MOK: variants seen among roughly 807,000 people sequenced by gnomAD.
The protein encoded by MOK is MOK protein kinase.
A neutral mutation model predicts 54.2 loss-of-function variants in MOK; 59 were observed. The observed-to-expected ratio is 1.09, with a 90% confidence interval of 0.88 to 1.35. MOK has a LOEUF of 1.35. Ranked by LOEUF, MOK falls within the 40% of genes most tolerant of loss-of-function variation. The probability of loss-of-function intolerance (pLI) is 0.00; values close to 1 mark genes in which losing one functional copy is unlikely to be tolerated. For missense variants in MOK, 517 were observed against 526.2 expected (o/e 0.98, Z 0.17); for synonymous variants, 210 against 202.7 (o/e 1.04, Z -0.31).
At chr14:102,220,614 G>A (rs1306816162), downstream of MOK, among the ~76,000 whole-genome samples, 1 of 151,704 alleles carries the variant, frequency 6.6e-6, no homozygotes, top group Admixed American at 6.6e-5. The surrounding 1 kb of genome is among the most constrained non-coding windows in gnomAD (Gnocchi z 4.2). Context: ...AAGGTACTTG[G>A]GAGGCTGAGG....
chr14:102,287,104 C>G (rs922375828), intron 1 of MOK, among the ~76,000 whole-genome samples: 1 of 152,122 alleles, frequency 6.6e-6, no homozygotes, highest in Non-Finnish European at 1.5e-5. Flanking sequence ...AAACTAAATA[C>G]TCCTCCCCCA....
intron 4 of MOK, among the ~76,000 whole-genome samples, chr14:102,257,208 T>C (rs2067034114): frequency 6.6e-6 from 1 of 151,898 alleles, no homozygotes; most frequent in South Asian, 2.1e-4. Context: ...TTGGGAAAGA[T>C]GCTTCTGGCC....
the MOK span, among the ~76,000 whole-genome samples, chr14:102,219,096 G>T: frequency 1.3e-5 from 2 of 152,244 alleles, no homozygotes; most frequent in East Asian, 3.8e-4. Flanking sequence ...CCCCCACGCT[G>T]TGCTCTCGAG....
chr14:102,225,092 T>TA (rs2064190653), downstream of MOK: 1 of 288,618 alleles, frequency 3.5e-6, no homozygotes, highest in Admixed American at 4.9e-5. Flanking sequence ...GACAGAGTCT[T>TA]ACCTGTCATC....
chr14:102,243,008 T>C (rs762097914), intron 7 of MOK, among the ~76,000 whole-genome samples: 29 of 152,156 alleles, frequency 1.9e-4, no homozygotes, highest in African/African-American at 5.3e-4. Flanking sequence ...ACAGCCCCCA[T>C]TACTTCAGTC....
chr14:102,289,118 T>C (rs762339431), intron 1 of MOK, among the ~76,000 whole-genome samples: 31 of 152,280 alleles, frequency 2.0e-4, no homozygotes, highest in Middle Eastern at 6.8e-3. Context: ...TTGCCCAGGC[T>C]GGTCTCAAAC....
chr14:102,294,230 A>C (rs1256066846), intron 1 of MOK, among the ~76,000 whole-genome samples: 1 of 151,632 alleles, frequency 6.6e-6, no homozygotes, highest in African/African-American at 2.4e-5. Flanking sequence ...GCGGATCACG[A>C]GGTCAGGAGA....
intron 7 of MOK, among the ~76,000 whole-genome samples, chr14:102,248,018 T>C (rs528830375): frequency 3.9e-5 from 6 of 152,216 alleles, no homozygotes; most frequent in Non-Finnish European, 8.8e-5. Context: ...GATATGATGC[T>C]GCTCCAAGAA....
chr14:102,244,719 C>CGT lies in MOK; in HGVS notation c.590+6091_590+6092dup, dbSNP rs1020668926. On this transcript the variant is annotated intron_variant, in intron 7 of 11. Coordinates refer to ENST00000361847, the MANE Select transcript of MOK (RefSeq NM_014226.3). ...TCCCACAAGGTCAAAAAAAGGCCAC[C>CGT]GTGGTCATTTCTTCCCTTCTGTCAG... is the stretch of plus-strand genomic sequence containing the variant. Among the ~76,000 whole-genome samples, 18 of 152,278 alleles carry CGT rather than the reference C, an allele frequency of 1.2e-4. No individual in the cohort carries two copies. The South Asian group carries it at 3.1e-3, about 26-fold the overall frequency.
At chr14:102,296,728 T>C (rs1355298197) in intron 1 of MOK, among the ~76,000 whole-genome samples, 1 of 152,098 alleles carries the variant, frequency 6.6e-6, no homozygotes, top group Non-Finnish European at 1.5e-5. Flanking sequence ...GAGACCAGTC[T>C]AGGCAACATG....
At chr14:102,295,039 G>A (rs561883603) in intron 1 of MOK, among the ~76,000 whole-genome samples, 1 of 152,310 alleles carries the variant, frequency 6.6e-6, no homozygotes, top group African/African-American at 2.4e-5. Context: ...AAAAGTTCCT[G>A]TTCTCTCCAA....
chr14:102,261,904 C>T (rs1359026961), intron 4 of MOK, among the ~76,000 whole-genome samples: 1 of 147,586 alleles, frequency 6.8e-6, no homozygotes, highest in Non-Finnish European at 1.5e-5. Flanking sequence ...AGTGCAGTGG[C>T]ATGATCTTGG....
At chr14:102,219,641 G>A (rs1042626143), downstream of MOK, among the ~76,000 whole-genome samples, 3 of 152,270 alleles carry the variant, frequency 2.0e-5, no homozygotes, top group African/African-American at 7.2e-5. Flanking sequence ...CCCTGGTCAA[G>A]CACCCTGGGG....
chr14:102,286,750 T>C (rs1278243358), intron 1 of MOK, among the ~76,000 whole-genome samples: 3 of 151,944 alleles, frequency 2.0e-5, no homozygotes, highest in Admixed American at 1.3e-4. Context: ...TAACGGAATA[T>C]ACTGTAAATA....
In MOK at chr14:102,232,917, C is replaced by T. The variant is rs780289064; in HGVS notation, c.693-209G>A. On this transcript the variant is annotated intron_variant, in intron 8 of 11. Coordinates refer to ENST00000361847, the MANE Select transcript of MOK (RefSeq NM_014226.3). This position sits in a 1 kb window ranked among gnomAD's most constrained non-coding sequence, Gnocchi z 5.1. Reference sequence around the variant, plus strand: ...TAGTAATGAGATATCCACGGTTCATCGACCATAATAAACACACCACTCGAG... The same window carrying T: ...TAGTAATGAGATATCCACGGTTCATTGACCATAATAAACACACCACTCGAG... 1 of 426,842 alleles carries T rather than the reference C, an allele frequency of 2.3e-6. No homozygotes were observed. Among genetic ancestry groups the T allele is most frequent in the Non-Finnish European group, 4.1e-6 (1 of 241,890 alleles). The allele number at this position is 426,842 out of a possible 1,614,324, so 26.4% of individuals were successfully genotyped here. A position where few individuals can be genotyped will look rare whatever the true frequency, so the allele number is the denominator to read the frequency against.
At chr14:102,267,234 G>T (rs912746652) in intron 2 of MOK, among the ~76,000 whole-genome samples, 2 of 152,178 alleles carry the variant, frequency 1.3e-5, no homozygotes, top group African/African-American at 4.8e-5. Flanking sequence ...TTGGTTATTT[G>T]AAGAGTACCC....
downstream of MOK, among the ~76,000 whole-genome samples, chr14:102,227,840 G>A (rs1351473187): frequency 6.6e-6 from 1 of 152,224 alleles, no homozygotes; most frequent in Non-Finnish European, 1.5e-5. Flanking sequence ...TGGGGCTGGG[G>A]CCAGGACCAC....
At chr14:102,295,369 G>A (rs1216939510) in intron 1 of MOK, among the ~76,000 whole-genome samples, 2 of 152,232 alleles carry the variant, frequency 1.3e-5, no homozygotes, top group African/African-American at 4.8e-5. Flanking sequence ...TATTTAACAA[G>A]TGAAAATGAA....
intron 2 of MOK, among the ~76,000 whole-genome samples, chr14:102,270,749 T>G (rs1312445729): frequency 3.3e-4 from 51 of 152,304 alleles, no homozygotes. Flanking sequence ...CCCTATTTAA[T>G]AAAATAGCCC....
Sources: gnomAD v4.1 joint callset for allele counts (sites outside exome capture counted in the v4.1 genomes callset) on GRCh38, gnomAD v4.1.1 for gene constraint, Gnocchi (gnomAD v3.1) non-coding constraint, MANE v1.5 for transcripts, NCBI Gene and HGNC (gene_info 2026-07-23, HGNC 2026-07-21) for gene names.